The following PTPRD variants were observed in gnomAD, a reference collection of about 807,000 sequenced individuals.
The protein encoded by PTPRD is protein tyrosine phosphatase receptor type D.
PTPRD carries 34 observed loss-of-function variants against 214.5 expected under a neutral mutation model. That is an observed-to-expected ratio of 0.16 (90% CI 0.12 to 0.21). The LOEUF is 0.21. Among genes scored for constraint, PTPRD ranks in the 10% least tolerant of loss-of-function variants. The probability of loss-of-function intolerance (pLI) is 1.00; values close to 1 mark genes in which losing one functional copy is unlikely to be tolerated. For synonymous variants in PTPRD, 1,128 were observed against 845.7 expected, an observed-to-expected ratio of 1.33 and a Z score of -5.79; for missense variants, 2,545 against 2,398.7, an observed-to-expected ratio of 1.06 and a Z score of -1.27.
chr9:8,337,305 G>A (rs1214200514), intron 43 of PTPRD, among the ~76,000 whole-genome samples: 1 of 152,098 alleles, frequency 6.6e-6, no homozygotes, highest in Non-Finnish European at 1.5e-5. Context: ...CATGTCCTTT[G>A]CAGGGACATG....
chr9:8,838,184 G>C (rs975095653), intron 11 of PTPRD, among the ~76,000 whole-genome samples: 2 of 151,662 alleles, frequency 1.3e-5, no homozygotes, highest in African/African-American at 4.8e-5. Flanking sequence ...AGAAGAGCAA[G>C]CAAACCAGAT....
At chr9:9,988,073 G>A (rs1428491801) in intron 4 of PTPRD, among the ~76,000 whole-genome samples, 1 of 152,076 alleles carries the variant, frequency 6.6e-6, no homozygotes, top group Admixed American at 6.5e-5. Context: ...GAAAATACAA[G>A]AATATTTATT....
intron 2 of PTPRD, among the ~76,000 whole-genome samples, chr9:10,590,245 G>A (rs1176567622): frequency 6.6e-6 from 1 of 151,898 alleles, no homozygotes; most frequent in African/African-American, 2.4e-5. Context: ...GGTAGTAGTT[G>A]GAAAATGTCA....
chr9:10,517,216 ATT>A (rs904369777), intron 2 of PTPRD, among the ~76,000 whole-genome samples: 5 of 151,786 alleles, frequency 3.3e-5, no homozygotes, highest in Non-Finnish European at 7.4e-5. Flanking sequence ...ATGTATCTCC[ATT>A]TGTTTGTGTG....
At chr9:9,803,513 A>G (rs62533698) in intron 5 of PTPRD, among the ~76,000 whole-genome samples, 1,578 of 152,102 alleles carry the variant, frequency 0.01, 16 homozygotes, top group South Asian at 0.028. Flanking sequence ...TGATATTTCA[A>G]CTTATCATGA....
At chr9:9,578,664 C>T (rs2154309484) in intron 7 of PTPRD, among the ~76,000 whole-genome samples, 1 of 152,144 alleles carries the variant, frequency 6.6e-6, no homozygotes, top group Admixed American at 6.6e-5. Context: ...AATAGGATTT[C>T]TACATTGTAT....
At chr9:8,486,387 C>G (rs892877567) in intron 27 of PTPRD, 38 bp from the exon 28 acceptor site, 2 of 1,533,112 alleles carry the variant, frequency 1.3e-6, no homozygotes, top group South Asian at 1.1e-5. Context: ...ACCAACCAAT[C>G]TGAACGTTCA....
chr9:8,746,776 T>A (rs557097053), intron 11 of PTPRD, among the ~76,000 whole-genome samples: 10 of 152,264 alleles, frequency 6.6e-5, no homozygotes, highest in Middle Eastern at 6.8e-3. Flanking sequence ...GGAGGATCAC[T>A]TGAGGTCAAG....
intron 7 of PTPRD, among the ~76,000 whole-genome samples, chr9:9,629,281 A>G (rs954932606): frequency 7.4e-5 from 11 of 147,952 alleles, no homozygotes; most frequent in African/African-American, 1.3e-4. Flanking sequence ...ATGTATGTAT[A>G]TATGTGTATA....
chr9:8,780,425 C>T (rs2095649501), intron 11 of PTPRD, among the ~76,000 whole-genome samples: 1 of 152,174 alleles, frequency 6.6e-6, no homozygotes, highest in Non-Finnish European at 1.5e-5. Flanking sequence ...TTACTAGACT[C>T]AGGTTTCTAA....
At chr9:9,945,919 G>A (rs997844009) in intron 4 of PTPRD, among the ~76,000 whole-genome samples, 23 of 151,994 alleles carry the variant, frequency 1.5e-4, no homozygotes, top group Non-Finnish European at 3.1e-4. Context: ...ACTGACATTT[G>A]TAAATAACCA....
chr9:8,357,430 A>C (rs948330319), intron 39 of PTPRD, among the ~76,000 whole-genome samples: 4 of 152,176 alleles, frequency 2.6e-5, no homozygotes, highest in Non-Finnish European at 5.9e-5. Flanking sequence ...TGGAGACCCC[A>C]AGCTGCCTTC....
intron 12 of PTPRD, among the ~76,000 whole-genome samples, chr9:8,683,342 T>C (rs1163630239): frequency 6.7e-6 from 1 of 149,152 alleles, no homozygotes; most frequent in East Asian, 2.0e-4. Context: ...TGTTAATTCA[T>C]AACTTGGATA....
intron 2 of PTPRD, among the ~76,000 whole-genome samples, chr9:10,577,491 T>C (rs995840823): frequency 6.6e-6 from 1 of 152,212 alleles, no homozygotes; most frequent in Non-Finnish European, 1.5e-5. Flanking sequence ...CTTGTATTTA[T>C]CACTCTGTTC....
At chr9:8,498,325 G>A (rs1392607203) in intron 25 of PTPRD, among the ~76,000 whole-genome samples, 1 of 152,016 alleles carries the variant, frequency 6.6e-6, no homozygotes, top group Admixed American at 6.6e-5. Flanking sequence ...TGCCAGGCTG[G>A]AGTGCAGTGG....
chr9:8,490,777 T>C (rs2097133871), intron 27 of PTPRD, among the ~76,000 whole-genome samples: 1 of 152,226 alleles, frequency 6.6e-6, no homozygotes, highest in Admixed American at 6.5e-5. Context: ...AGTACTCGTT[T>C]CCAAGATATG....
intron 3 of PTPRD, among the ~76,000 whole-genome samples, chr9:10,284,645 A>C (rs1037062082): frequency 2.0e-5 from 3 of 152,198 alleles, no homozygotes. Flanking sequence ...AGGTTCTCAA[A>C]AGGCTTCAAC....
chr9:10,200,049 G>A (rs906300461), intron 3 of PTPRD, among the ~76,000 whole-genome samples: 1 of 151,742 alleles, frequency 6.6e-6, no homozygotes, highest in Non-Finnish European at 1.5e-5. Flanking sequence ...CTTCTATACA[G>A]ATGTGTAAAA....
intron 3 of PTPRD, among the ~76,000 whole-genome samples, chr9:10,089,366 T>C (rs562866184): frequency 6.6e-6 from 1 of 151,724 alleles, no homozygotes; most frequent in East Asian, 2.0e-4. Context: ...ATCTTGTATA[T>C]GGAATAGACT....
Sources: gnomAD v4.1 joint callset for allele counts (sites outside exome capture counted in the v4.1 genomes callset) on GRCh38, gnomAD v4.1.1 for gene constraint, MANE v1.5 for transcripts, NCBI Gene and HGNC (gene_info 2026-07-23, HGNC 2026-07-21) for gene names.